Variants in TRAPPC2 observed in about 807,000 individuals in gnomAD.
The protein encoded by TRAPPC2 is sedlin.
A neutral mutation model predicts 10.0 loss-of-function variants in TRAPPC2; 4 were observed. The ratio of observed to expected loss-of-function variants is 0.40; its 90% CI spans 0.20 to 0.92. TRAPPC2 has a LOEUF of 0.92. Ranked by LOEUF, TRAPPC2 falls within the 40% of genes least tolerant of loss-of-function variation. The probability of loss-of-function intolerance (pLI) is 0.35; values close to 1 mark genes in which losing one functional copy is unlikely to be tolerated. For synonymous variants in TRAPPC2, 36 were observed against 37.3 expected, an observed-to-expected ratio of 0.97 and a Z score of 0.12; for missense variants, 52 against 108.7, an observed-to-expected ratio of 0.48 and a Z score of 2.32.
intron 2 of TRAPPC2, among the ~76,000 whole-genome samples, chrX:13,722,783 G>A (rs2046449420): frequency 8.9e-6 from 1 of 111,881 alleles, no homozygotes. Context: ...GCTAGTGTAG[G>A]CCAGGCGCGG....
At chrX:13,730,447 G>T (rs2046650271) in intron 2 of TRAPPC2, among the ~76,000 whole-genome samples, 1 of 111,906 alleles carries the variant, frequency 8.9e-6, no homozygotes, top group Non-Finnish European at 1.9e-5. Context: ...GGAGAAATAG[G>T]AACACTTTTA....
At chrX:13,733,662 G>A (rs2046732975) in intron 2 of TRAPPC2, among the ~76,000 whole-genome samples, 1 of 111,826 alleles carries the variant, frequency 8.9e-6, no homozygotes. Flanking sequence ...GTCCTCACAG[G>A]ACTTAGATAC....
At chrX:13,719,418 C>T (rs1423764281) in intron 3 of TRAPPC2, among the ~76,000 whole-genome samples, 5 of 111,100 alleles carry the variant, frequency 4.5e-5, no homozygotes, top group Non-Finnish European at 7.5e-5. Context: ...CAGGCTCAAC[C>T]CAGCCAGGAA....
chrX:13,720,686 C>A (rs1338454192), intron 2 of TRAPPC2: 1 of 111,663 alleles, frequency 9.0e-6, no homozygotes, highest in Non-Finnish European at 1.9e-5. Context: ...AAGAAATAAT[C>A]CATAAAGGAA....
Position 13,730,379 on chromosome X carries a change from G to A in TRAPPC2, c.-20+3665C>T, listed in dbSNP as rs181394438. On this transcript the variant is annotated intron_variant, in intron 2 of 5. Coordinates refer to ENST00000380579, the MANE Select transcript of TRAPPC2 (RefSeq NM_001011658.4). The stretch of plus-strand genomic sequence containing the variant: ...AAACCACAAAGAGATACCATCTCAC[G>A]CCAGTTAGAATGGCAATCATTAAAA... 2.3e-3 allele frequency among the ~76,000 whole-genome samples: 255 copies of A among 112,062 alleles called. 1 individual carries two copies. The highest frequency in any genetic ancestry group is 7.3e-3 in the African/African-American group (226 of 30,832).
chrX:13,716,912 A>G (rs1389348559), intron 3 of TRAPPC2, among the ~76,000 whole-genome samples: 1 of 110,367 alleles, frequency 9.1e-6, no homozygotes, highest in East Asian at 2.8e-4. Flanking sequence ...AAATGTGTAT[A>G]TAGAGGATTT....
chrX:13,720,052 T>C, intron 2 of TRAPPC2, 70 bp from the exon 3 acceptor site: 1 of 760,153 alleles, frequency 1.3e-6, no homozygotes, highest in Non-Finnish European at 1.8e-6. Flanking sequence ...TAATGGGAAG[T>C]GTAGAATTCT....
chrX:13,722,671 G>A (rs1182489214), intron 2 of TRAPPC2, among the ~76,000 whole-genome samples: 1 of 111,784 alleles, frequency 8.9e-6, no homozygotes, highest in African/African-American at 3.3e-5. Context: ...TAAGACACAC[G>A]CTAGGATTCT....
intron 2 of TRAPPC2, among the ~76,000 whole-genome samples, chrX:13,732,420 C>G (rs1296020439): frequency 1.8e-5 from 2 of 112,425 alleles, no homozygotes; most frequent in Non-Finnish European, 3.8e-5. Context: ...AGGGACTTGG[C>G]TAGGGATGGC....
chrX:13,714,362 T>C lies in TRAPPC2; in HGVS notation c.*45A>G. The C allele has an allele frequency of 1.1e-6, 1 of 876,269 alleles. No homozygotes were observed. The highest frequency in any genetic ancestry group is 2.4e-5 in the South Asian group (1 of 41,596). The allele number at this position is 876,269 out of a possible 1,213,427, so 72.2% of individuals were successfully genotyped here. ...AACTTACAATGTACACATTCCTGAG[T>C]ATACACCATTGTGGTGACATCATTT... is the stretch of plus-strand genomic sequence containing the variant. On this transcript the variant is annotated 3_prime_UTR_variant, in exon 6 of 6. Transcript: ENST00000380579.
intron 2 of TRAPPC2, among the ~76,000 whole-genome samples, chrX:13,733,171 G>A (rs1407599847): frequency 9.0e-6 from 1 of 110,524 alleles, no homozygotes; most frequent in Non-Finnish European, 1.9e-5. Context: ...GTGGACAAGT[G>A]ATTCTACTTA....
rs779129138 is a variant in TRAPPC2, at chrX:13,729,079, T to C, written c.-20+4965A>G. ...CTCTTCAAGGAGAACTACAAACCAC[T>C]GCTCAGTGAAATAAAAGAGGATACA... On this transcript the variant is annotated intron_variant, in intron 2 of 5. Coordinates refer to ENST00000380579, the MANE Select transcript of TRAPPC2 (RefSeq NM_001011658.4). Among the ~76,000 whole-genome samples, 7 of 111,443 alleles carry C rather than the reference T, an allele frequency of 6.3e-5. No individual in the cohort carries two copies. In the South Asian group the frequency reaches 2.6e-3, roughly 42 times the overall value.
chrX:13,716,991 G>A (rs1443481471), intron 3 of TRAPPC2, among the ~76,000 whole-genome samples: 1 of 80,594 alleles, frequency 1.2e-5, no homozygotes, highest in East Asian at 4.2e-4. Context: ...GGAAGTTACC[G>A]AATTCTGTAA....
intron 3 of TRAPPC2, among the ~76,000 whole-genome samples, chrX:13,718,783 TG>T (rs769369754): frequency 8.9e-6 from 1 of 112,033 alleles, no homozygotes; most frequent in Admixed American, 9.5e-5. Context: ...TTTTGGAGGT[TG>T]GGAGAAACAT....
At chrX:13,714,570 T>A in intron 5 of TRAPPC2, 65 bp from the exon 6 acceptor site, 2 of 650,184 alleles carry the variant, frequency 3.1e-6, no homozygotes, top group Non-Finnish European at 4.5e-6. Context: ...TGAAAGGAAA[T>A]CATTTTAAAG....
intron 2 of TRAPPC2, among the ~76,000 whole-genome samples, chrX:13,722,664 GAC>G (rs751284346): frequency 2.7e-5 from 3 of 111,948 alleles, no homozygotes; most frequent in Non-Finnish European, 5.6e-5. Flanking sequence ...GCAAAGGTAA[GAC>G]ACACGCTAGG....
intron 2 of TRAPPC2, among the ~76,000 whole-genome samples, chrX:13,726,886 G>C (rs1431210095): frequency 1.8e-5 from 2 of 111,816 alleles, no homozygotes; most frequent in Non-Finnish European, 3.8e-5. Context: ...GACACACATA[G>C]GCTCAAAATA....
At chrX:13,715,849 T>C (rs2046274854) in intron 5 of TRAPPC2, 155 bp downstream of exon 5, 1 of 988,827 alleles carries the variant, frequency 1.0e-6, no homozygotes, top group African/African-American at 1.9e-5. Context: ...TGTGAAGACT[T>C]ACCTGCGGAG....
intron 2 of TRAPPC2, chrX:13,722,267 A>G (rs1291078102): frequency 5.7e-5 from 6 of 105,162 alleles, no homozygotes; most frequent in Non-Finnish European, 1.2e-4. Context: ...ATATATGTAC[A>G]CATATGTATA....
Sources: gnomAD v4.1 joint callset for allele counts (sites outside exome capture counted in the v4.1 genomes callset) on GRCh38, gnomAD v4.1.1 for gene constraint, MANE v1.5 for transcripts, NCBI Gene and HGNC (gene_info 2026-07-23, HGNC 2026-07-21) for gene names.